Variants in FBXO16 observed in about 807,000 individuals in gnomAD.
The protein encoded by FBXO16 is F-box protein 16.
Under a neutral mutation model 41.0 loss-of-function variants are expected in FBXO16, and 31 were observed. That is an observed-to-expected ratio of 0.76 (90% confidence interval 0.57 to 1.02). The LOEUF (loss-of-function observed/expected upper bound fraction) is 1.02. FBXO16 is among the 50% of genes least tolerant of loss of function. FBXO16 has a pLI of 0.00. For missense variants in FBXO16, 361 were observed against 346.2 expected, an observed-to-expected ratio of 1.04 and a Z score of -0.34; for synonymous variants, 133 against 117.8, an observed-to-expected ratio of 1.13 and a Z score of -0.84.
At chr8:28,465,820 G>C (rs1803228530) in intron 3 of FBXO16, among the ~76,000 whole-genome samples, 1 of 151,892 alleles carries the variant, frequency 6.6e-6, no homozygotes, top group Non-Finnish European at 1.5e-5. Context: ...TTTTGTTTTT[G>C]TTTTTGGTCC....
chr8:28,457,411 A>C (rs1803055981), intron 4 of FBXO16, among the ~76,000 whole-genome samples: 1 of 152,152 alleles, frequency 6.6e-6, no homozygotes, highest in African/African-American at 2.4e-5. Context: ...TTGCTGATAA[A>C]GACATACCTG....
At chr8:28,440,184 C>T (rs1353392045) in intron 7 of FBXO16, among the ~76,000 whole-genome samples, 2 of 152,034 alleles carry the variant, frequency 1.3e-5, no homozygotes, top group Non-Finnish European at 2.9e-5. Flanking sequence ...CTCACTGCCC[C>T]CTTAACCTCC....
intron 4 of FBXO16, among the ~76,000 whole-genome samples, chr8:28,458,034 A>T (rs965909516): frequency 1.3e-5 from 2 of 152,240 alleles, no homozygotes; most frequent in Admixed American, 6.5e-5. Context: ...TCTTAGTTGT[A>T]AGAGTTGCAA....
At chr8:28,489,569 G>A (rs1163635004) in intron 1 of FBXO16, among the ~76,000 whole-genome samples, 1 of 151,162 alleles carries the variant, frequency 6.6e-6, no homozygotes, top group African/African-American at 2.4e-5. Context: ...GTGTGGCGGT[G>A]GGCTCCTATA....
intron 7 of FBXO16, among the ~76,000 whole-genome samples, chr8:28,440,137 C>T (rs932006645): frequency 1.3e-5 from 2 of 151,904 alleles, no homozygotes; most frequent in Non-Finnish European, 2.9e-5. Flanking sequence ...TTTAAGTGCT[C>T]TGTCACCCAG....
chr8:28,456,033 A>G (rs1414063684), intron 5 of FBXO16: 1 of 152,212 alleles, frequency 6.6e-6, no homozygotes, highest in African/African-American at 2.4e-5. Context: ...TAATTTACAC[A>G]TAATTTTTCA....
intron 5 of FBXO16, among the ~76,000 whole-genome samples, chr8:28,453,381 A>G (rs1366397496): frequency 1.1e-4 from 17 of 151,856 alleles, no homozygotes; most frequent in Admixed American, 1.1e-3. Context: ...CATGACTTCT[A>G]ACACATAGAA....
intron 3 of FBXO16, among the ~76,000 whole-genome samples, chr8:28,467,296 G>A (rs762081899): frequency 2.0e-5 from 3 of 152,162 alleles, no homozygotes; most frequent in Non-Finnish European, 4.4e-5. Context: ...CATGATAGGG[G>A]AAAGCAGGGC....
At position 28,483,528 on chromosome 8, in the gene FBXO16, A is replaced by G. The variant is rs1314256311; in HGVS notation, c.-16-66T>C. 3 of 1,218,004 alleles carry G rather than the reference A, an allele frequency of 2.5e-6. No individual in the cohort carries two copies. The East Asian group carries it at 7.0e-5, about 29-fold the overall frequency. The allele number at this position is 1,218,004 out of a possible 1,614,324, so 75.4% of individuals were successfully genotyped here. A position where few individuals can be genotyped will look rare whatever the true frequency, so the allele number is the denominator to read the frequency against. Reference sequence around the variant, plus strand: ...ATATAACCCTCAGAAAACAAAAATTACTAATACCAGCCAGGCACGATGGCT... The same window carrying G: ...ATATAACCCTCAGAAAACAAAAATTGCTAATACCAGCCAGGCACGATGGCT... On this transcript the variant is annotated intron_variant, in intron 1 of 8. Transcript: ENST00000380254.
At chr8:28,461,741 G>A (rs190072468) in intron 4 of FBXO16, among the ~76,000 whole-genome samples, 3 of 152,094 alleles carry the variant, frequency 2.0e-5, no homozygotes, top group Non-Finnish European at 2.9e-5. Context: ...TCTTGCTCAC[G>A]ATACATAAAA....
At chr8:28,441,736 C>CAA (rs1177604301) in intron 7 of FBXO16, among the ~76,000 whole-genome samples, 22,695 of 84,132 alleles carry the variant, frequency 0.27, 2,162 homozygotes, top group South Asian at 0.37. Flanking sequence ...AACTCCGTCT[C>CAA]AAAAAAAAAA....
chr8:28,461,064 G>A (rs1473811600), intron 4 of FBXO16, among the ~76,000 whole-genome samples: 1 of 150,468 alleles, frequency 6.6e-6, no homozygotes, highest in East Asian at 2.0e-4. Context: ...TAAGATGGTA[G>A]GACAGTTCTA....
chr8:28,484,449 A>C (rs1803568210), intron 1 of FBXO16, among the ~76,000 whole-genome samples: 1 of 152,166 alleles, frequency 6.6e-6, no homozygotes. Context: ...TTTCAGGAGG[A>C]ATTAATTCTC....
chr8:28,476,249 A>C (rs559809115), intron 2 of FBXO16, among the ~76,000 whole-genome samples: 1 of 152,300 alleles, frequency 6.6e-6, no homozygotes, highest in African/African-American at 2.4e-5. Context: ...AGGTTAAAAC[A>C]CGAGACAAAG....
At chr8:28,474,858 G>T (rs1207635717) in intron 2 of FBXO16, among the ~76,000 whole-genome samples, 1 of 152,224 alleles carries the variant, frequency 6.6e-6, no homozygotes, top group Non-Finnish European at 1.5e-5. Context: ...CCTTATGGAT[G>T]TATCAGTACA....
chr8:28,457,472 T>C (rs1192606041), intron 4 of FBXO16, among the ~76,000 whole-genome samples: 1 of 152,168 alleles, frequency 6.6e-6, no homozygotes, highest in East Asian at 1.9e-4. Context: ...CACAGTTCCA[T>C]GTGGCTGGGG....
intron 2 of FBXO16, among the ~76,000 whole-genome samples, chr8:28,476,935 C>T (rs1417837149): frequency 6.6e-6 from 1 of 152,184 alleles, no homozygotes; most frequent in Non-Finnish European, 1.5e-5. Context: ...AGGAAATTAT[C>T]CTATCCGTCA....
intron 7 of FBXO16, among the ~76,000 whole-genome samples, chr8:28,438,804 T>C (rs1347184361): frequency 6.6e-6 from 1 of 151,942 alleles, no homozygotes; most frequent in Non-Finnish European, 1.5e-5. Context: ...TCTGTGTCCT[T>C]AGAAAGCAAA....
At chr8:28,482,003 AC>A in intron 2 of FBXO16, among the ~76,000 whole-genome samples, 1 of 152,176 alleles carries the variant, frequency 6.6e-6, no homozygotes, top group East Asian at 1.9e-4. Flanking sequence ...CTGGGTGCAA[AC>A]CACTGTTACG....
Sources: gnomAD v4.1 joint callset for allele counts (sites outside exome capture counted in the v4.1 genomes callset) on GRCh38, gnomAD v4.1.1 for gene constraint, MANE v1.5 for transcripts, NCBI Gene and HGNC (gene_info 2026-07-23, HGNC 2026-07-21) for gene names.